Variants in TMEM52B observed in about 807,000 individuals in gnomAD.
The protein encoded by TMEM52B is transmembrane protein 52B.
Under a neutral mutation model 16.1 loss-of-function variants are expected in TMEM52B, and 11 were observed. The observed-to-expected ratio is 0.68, with a 90% CI of 0.43 to 1.13. TMEM52B has a LOEUF of 1.13. Among genes scored for constraint, TMEM52B ranks in the 50% most tolerant of loss-of-function variants. TMEM52B has a pLI of 0.00. For synonymous variants in TMEM52B, 101 were observed against 93.8 expected (o/e 1.08, Z -0.45); for missense variants, 243 against 230.4 (o/e 1.05, Z -0.35).
upstream of TMEM52B, chr12:10,175,265 T>G (rs936032342): frequency 6.6e-6 from 1 of 152,220 alleles, no homozygotes; most frequent in African/African-American, 2.4e-5. Context: ...TATTTCCATC[T>G]TTATCTCCCT....
chr12:10,175,121 G>A (rs1948756671), upstream of TMEM52B, among the ~76,000 whole-genome samples: 2 of 152,138 alleles, frequency 1.3e-5, no homozygotes, highest in Admixed American at 1.3e-4. Context: ...TCATGATCTT[G>A]TGTAATCCTT....
At position 10,179,464 on chromosome 12, in the gene TMEM52B, A is replaced by C; in HGVS notation, c.-111A>C. The C allele has an allele frequency of 1.7e-6, 2 of 1,150,216 alleles. 1 individual carries two copies. The highest frequency in any genetic ancestry group is 2.5e-5 in the South Asian group (2 of 81,124). The allele number at this position is 1,150,216 out of a possible 1,614,324, so 71.3% of individuals were successfully genotyped here. On this transcript the variant is annotated 5_prime_UTR_variant, in exon 1 of 5. Transcript: ENST00000543484. ...AGAAAAGCTGATAAATTCCTGAGAA[A>C]AGTTTCTCTTCTTAAGAATTCTAGG...
Position 10,190,221 on chromosome 12 carries a change from C to T in TMEM52B, c.*81C>T, listed in dbSNP as rs1193840942. On this transcript the variant is annotated 3_prime_UTR_variant, in exon 5 of 5. Transcript: ENST00000543484. ...ATGGAACACATACTTTTCTAACCCT[C>T]AGAAGTTTTAAGATGGCATCTAACA... is the stretch of plus-strand genomic sequence containing the variant. 1.9e-6 allele frequency: 3 copies of T among 1,573,348 alleles called. No homozygotes were observed. Among genetic ancestry groups the T allele is most frequent in the African/African-American group, 1.4e-5 (1 of 73,756 alleles).
At chr12:10,172,019 T>C (rs141892646) in intron 1 of TMEM52B, 15 of 1,613,540 alleles carry the variant, frequency 9.3e-6, no homozygotes, top group African/African-American at 1.3e-5. Flanking sequence ...TTTTTTTCCA[T>C]TTGACTTCTC....
intron 4 of TMEM52B, among the ~76,000 whole-genome samples, chr12:10,188,976 C>A (rs1295663188): frequency 2.9e-5 from 4 of 136,028 alleles, no homozygotes; most frequent in African/African-American, 1.1e-4. Flanking sequence ...GAGATCGCGC[C>A]ACTGCACTCC....
chr12:10,183,958 C>T (rs1210225469), intron 2 of TMEM52B, among the ~76,000 whole-genome samples: 1 of 152,128 alleles, frequency 6.6e-6, no homozygotes, highest in African/African-American at 2.4e-5. Flanking sequence ...TGGCTGGCAG[C>T]CCCTAGGTAG....
chr12:10,183,078 T>C (rs1948841754), intron 2 of TMEM52B, among the ~76,000 whole-genome samples: 1 of 152,194 alleles, frequency 6.6e-6, no homozygotes, highest in Non-Finnish European at 1.5e-5. Flanking sequence ...TCCAAACCTG[T>C]CACACTTAAG....
intron 1 of TMEM52B, among the ~76,000 whole-genome samples, chr12:10,173,960 C>A (rs925137773): frequency 6.6e-6 from 1 of 152,088 alleles, no homozygotes; most frequent in Non-Finnish European, 1.5e-5. Flanking sequence ...CAGCCATCAC[C>A]ACCATCCATC....
In TMEM52B at chr12:10,182,211, TAGG is replaced by T. The variant is rs571089747; in HGVS notation, c.55-334_55-332del. 4.3e-4 allele frequency: 423 copies of T among 984,894 alleles called. No individual in the cohort carries two copies. The African/African-American group carries it at 7.0e-3, about 16-fold the overall frequency. 61.0% of individuals were successfully genotyped at this position (984,894 alleles called of 1,614,324 possible). ...GTGTAGAATTCAACTGGGCAGGAAT[TAGG>T]AGGACAATGGCAATATCCCAAGGGA... is the stretch of plus-strand genomic sequence containing the variant. On this transcript the variant is annotated intron_variant, in intron 1 of 4. Coordinates refer to ENST00000543484, the MANE Select transcript of TMEM52B (RefSeq NM_001384896.1).
chr12:10,186,982 T>G (rs1948887150), intron 4 of TMEM52B, among the ~76,000 whole-genome samples: 1 of 152,160 alleles, frequency 6.6e-6, no homozygotes, highest in Non-Finnish European at 1.5e-5. Context: ...ATTAATGACA[T>G]GTACTTTCAG....
At chr12:10,183,470 A>C (rs1442940508) in intron 2 of TMEM52B, among the ~76,000 whole-genome samples, 1 of 152,174 alleles carries the variant, frequency 6.6e-6, no homozygotes, top group Admixed American at 6.5e-5. Context: ...TGAAAAACAA[A>C]ACAAAACTAT....
chr12:10,188,915 G>A (rs1277888677), intron 4 of TMEM52B, among the ~76,000 whole-genome samples: 1 of 150,584 alleles, frequency 6.6e-6, no homozygotes, highest in Non-Finnish European at 1.5e-5. Context: ...TACTCAGGAG[G>A]CTGAGGCAGG....
chr12:10,175,036 C>T (rs1382116678), upstream of TMEM52B, among the ~76,000 whole-genome samples: 1 of 152,136 alleles, frequency 6.6e-6, no homozygotes, highest in East Asian at 1.9e-4. Flanking sequence ...ATAGTTTCTA[C>T]AGTCCTTGTG....
upstream of TMEM52B, among the ~76,000 whole-genome samples, chr12:10,178,522 C>CAA (rs56217145): frequency 1.8e-5 from 2 of 109,748 alleles, no homozygotes; most frequent in Non-Finnish European, 3.7e-5. Context: ...GACTCCGTCT[C>CAA]AAAAAAAAAA....
chr12:10,189,415 G>A (rs1440987811), intron 4 of TMEM52B, among the ~76,000 whole-genome samples: 4 of 151,800 alleles, frequency 2.6e-5, no homozygotes, highest in Admixed American at 2.6e-4. Context: ...CCTGAGGTCA[G>A]GAGTTCAAGA....
Position 10,186,486 on chromosome 12 carries a change from C to G in TMEM52B, c.204C>G (p.Cys68Trp), listed in dbSNP as rs1251996139. 2 of 1,612,238 alleles carry G rather than the reference C, an allele frequency of 1.2e-6. No homozygotes were observed. Among genetic ancestry groups the G allele is most frequent in the Admixed American group, 3.3e-5 (2 of 59,976 alleles). The change falls in exon 4 of 5, where the codon TGC becomes TGG. Residue 68 changes from cysteine to tryptophan, a missense_variant. Cys to Trp is a radical substitution (Grantham distance 215, BLOSUM62 -2). Transcript: ENST00000543484. ...TGACGTCCCTGTGCTTCCGCTGCTG[C>G]TGTCTGAGCCGCCAGCAAAATGGGG... ...CGLTSLCFRC[C>W]CLSRQQNGED... is the part of the protein sequence containing the mutation.
intron 4 of TMEM52B, among the ~76,000 whole-genome samples, chr12:10,188,632 C>T (rs1417991481): frequency 2.0e-5 from 3 of 151,688 alleles, no homozygotes; most frequent in South Asian, 2.1e-4. Flanking sequence ...TTTGGGAGGC[C>T]GAGGCAGGTG....
rs567080617 is a variant in TMEM52B, at chr12:10,181,859, T to C, written c.55-691T>C. 2.5e-4 allele frequency among the ~76,000 whole-genome samples: 37 copies of C among 150,662 alleles called. 1 individual carries two copies. The highest frequency in any genetic ancestry group is 9.0e-4 in the African/African-American group (37 of 40,986). On this transcript the variant is annotated intron_variant, in intron 1 of 4. Transcript: ENST00000543484. Reference sequence around the variant, plus strand: ...CTGGCCAACATGGTGAAACCCTGTGTCTACTAAAAATACAAAAATTAACCA... The same window carrying C: ...CTGGCCAACATGGTGAAACCCTGTGCCTACTAAAAATACAAAAATTAACCA...
chr12:10,183,466 A>AT (rs565661886), intron 2 of TMEM52B, among the ~76,000 whole-genome samples: 291 of 151,988 alleles, frequency 1.9e-3, no homozygotes, highest in African/African-American at 6.8e-3. Context: ...TCAGTGAAAA[A>AT]CAAAACAAAA....
Sources: allele counts gnomAD v4.1 joint callset (sites outside exome capture counted in the v4.1 genomes callset), GRCh38; gene constraint gnomAD v4.1.1; transcripts MANE v1.5; gene names NCBI Gene and HGNC (gene_info 2026-07-23, HGNC 2026-07-21).